Variants in CACNA2D1 observed in about 807,000 individuals in gnomAD.
CACNA2D1 encodes the protein calcium voltage-gated channel auxiliary subunit alpha2delta 1, also known as voltage-dependent calcium channel subunit alpha-2/delta-1.
Under a neutral mutation model 171.5 loss-of-function variants are expected in CACNA2D1, and 53 were observed. That is an observed-to-expected ratio of 0.31 (90% confidence interval 0.25 to 0.39). The LOEUF (loss-of-function observed/expected upper bound fraction) is 0.39, where lower values mean the gene tolerates loss of function less well. Among genes scored for constraint, CACNA2D1 ranks in the 10% least tolerant of loss-of-function variants. The pLI is 1.00. For synonymous variants in CACNA2D1, 442 were observed against 443.1 expected, an observed-to-expected ratio of 1.00 and a Z score of 0.03; for missense variants, 903 against 1,299.8, an observed-to-expected ratio of 0.69 and a Z score of 4.69.
chr7:81,973,269 C>G (rs1455366785), intron 25 of CACNA2D1, among the ~76,000 whole-genome samples: 1 of 151,910 alleles, frequency 6.6e-6, no homozygotes, highest in Non-Finnish European at 1.5e-5. Context: ...AATAACATTT[C>G]AAAGGCACTG....
chr7:82,107,153 C>T (rs1205399931), intron 6 of CACNA2D1, among the ~76,000 whole-genome samples: 6 of 152,110 alleles, frequency 3.9e-5, no homozygotes, highest in Non-Finnish European at 7.4e-5. Context: ...GTAGTGTCTA[C>T]TAAGGCTGGC....
intron 3 of CACNA2D1, among the ~76,000 whole-genome samples, chr7:82,280,954 GTA>G (rs1810017238): frequency 6.6e-6 from 1 of 152,158 alleles, no homozygotes; most frequent in African/African-American, 2.4e-5. Context: ...ACAGCAGCAG[GTA>G]TATCATTTGG....
chr7:82,177,823 G>A (rs539348740), intron 3 of CACNA2D1, among the ~76,000 whole-genome samples: 1 of 152,098 alleles, frequency 6.6e-6, no homozygotes, highest in East Asian at 1.9e-4. Flanking sequence ...TCTCATTATT[G>A]TGCTATAGGT....
At chr7:82,343,364 T>C (rs1330186441) in intron 2 of CACNA2D1, 3 of 152,164 alleles carry the variant, frequency 2.0e-5, no homozygotes, top group African/African-American at 7.2e-5. Context: ...CCGAGCAATA[T>C]ATTAAAGACA....
At chr7:82,256,363 T>C (rs1806306350) in intron 3 of CACNA2D1, among the ~76,000 whole-genome samples, 1 of 152,188 alleles carries the variant, frequency 6.6e-6, no homozygotes, top group African/African-American at 2.4e-5. Context: ...CAAGTTCTTG[T>C]GGAATGATTC....
At chr7:82,111,394 GTATATATATATTCA>G (rs1185679605) in intron 6 of CACNA2D1, among the ~76,000 whole-genome samples, 29 of 107,740 alleles carry the variant, frequency 2.7e-4, no homozygotes, top group African/African-American at 9.7e-4. Flanking sequence ...GTGTATATAT[GTATATATATATTCA>G]TATATGTGTA....
Position 81,967,631 on chromosome 7 carries a change from T to C in CACNA2D1, c.2428A>G (p.Ile810Val). The change falls in exon 30 of 39, where the codon ATA becomes GTA. Residue 810 changes from isoleucine to valine, a missense_variant. Ile to Val is a conservative substitution (Grantham distance 29). Transcript: ENST00000356860. Reference sequence around the variant, plus strand: ...ATTGAGGTTTTGGTGAAATTCTCTATCCAGGAATTTACATCAATTTTAATT... The same window carrying C: ...ATTGAGGTTTTGGTGAAATTCTCTACCCAGGAATTTACATCAATTTTAATT... ...VGIKIDVNSW[I>V]ENFTKTSIRD... 1.3e-6 allele frequency: 2 copies of C among 1,517,302 alleles called. No homozygotes were observed. The highest frequency in any genetic ancestry group is 1.1e-5 in the South Asian group (1 of 87,246). 94.0% of individuals were successfully genotyped at this position (1,517,302 alleles called of 1,614,324 possible).
intron 6 of CACNA2D1, among the ~76,000 whole-genome samples, chr7:82,085,184 T>C (rs180844533): frequency 2.6e-4 from 39 of 152,286 alleles, no homozygotes; most frequent in Admixed American, 8.5e-4. Flanking sequence ...TACTGACATT[T>C]TGGCCTCGGT....
chr7:82,230,011 A>C (rs1802758969), intron 3 of CACNA2D1, among the ~76,000 whole-genome samples: 1 of 152,238 alleles, frequency 6.6e-6, no homozygotes, highest in Non-Finnish European at 1.5e-5. Context: ...CTATTCATGT[A>C]ATTTAACTGT....
chr7:82,082,719 T>G (rs1370263969), intron 7 of CACNA2D1, among the ~76,000 whole-genome samples: 1 of 151,322 alleles, frequency 6.6e-6, no homozygotes, highest in Admixed American at 6.6e-5. Flanking sequence ...CCCATCTTCA[T>G]AGATTTTTGT....
intron 3 of CACNA2D1, among the ~76,000 whole-genome samples, chr7:82,235,428 G>A (rs1563238961): frequency 6.6e-6 from 1 of 152,004 alleles, no homozygotes; most frequent in African/African-American, 2.4e-5. Context: ...TGATGGGAGG[G>A]GCAGGCTGCT....
chr7:82,372,110 TTC>T (rs1822484877), intron 1 of CACNA2D1, among the ~76,000 whole-genome samples: 2 of 152,266 alleles, frequency 1.3e-5, no homozygotes, highest in Admixed American at 6.5e-5. Context: ...TTAATAAACA[TTC>T]TGTTATTAGA....
intron 4 of CACNA2D1, among the ~76,000 whole-genome samples, chr7:82,149,925 C>T (rs971666546): frequency 1.3e-5 from 2 of 151,960 alleles, no homozygotes; most frequent in South Asian, 4.2e-4. Context: ...CCACTGCACT[C>T]CAGCCTGGGC....
chr7:81,974,362 C>T, intron 25 of CACNA2D1, 93 bp downstream of exon 25: 1 of 662,242 alleles, frequency 1.5e-6, no homozygotes, highest in African/African-American at 1.8e-5. Flanking sequence ...ACAACCAGCA[C>T]AATATAAAGT....
chr7:82,299,072 A>AG, intron 3 of CACNA2D1, among the ~76,000 whole-genome samples: 1 of 148,380 alleles, frequency 6.7e-6, no homozygotes, highest in East Asian at 2.0e-4. Flanking sequence ...AAAAAAAAAA[A>AG]AAAAAGTAAA....
At chr7:82,060,052 C>A (rs1806434041) in intron 10 of CACNA2D1, among the ~76,000 whole-genome samples, 1 of 105,666 alleles carries the variant, frequency 9.5e-6, no homozygotes, top group Non-Finnish European at 1.9e-5. Flanking sequence ...TGCTAAATGA[C>A]GAGTTAATAG....
chr7:82,016,227 G>A (rs111563112), intron 12 of CACNA2D1, among the ~76,000 whole-genome samples: 55 of 152,032 alleles, frequency 3.6e-4, no homozygotes, highest in Admixed American at 9.8e-4. Context: ...TTATAAGCAG[G>A]TTGACCACCC....
chr7:82,284,571 G>A (rs1028311483), intron 3 of CACNA2D1, among the ~76,000 whole-genome samples: 4 of 152,108 alleles, frequency 2.6e-5, no homozygotes, highest in Admixed American at 6.5e-5. Flanking sequence ...GTCTGATGAG[G>A]GCTTGCTCTC....
At chr7:82,204,436 C>G (rs997662630) in intron 3 of CACNA2D1, among the ~76,000 whole-genome samples, 1 of 152,168 alleles carries the variant, frequency 6.6e-6, no homozygotes, top group Non-Finnish European at 1.5e-5. Flanking sequence ...GAACGGTAAC[C>G]TGTTGCTGCC....
Sources: allele counts gnomAD v4.1 joint callset (sites outside exome capture counted in the v4.1 genomes callset), GRCh38; gene constraint gnomAD v4.1.1; transcripts MANE v1.5; gene names NCBI Gene and HGNC (gene_info 2026-07-23, HGNC 2026-07-21).